The following OSGIN1 variants were observed in gnomAD, a reference collection of about 807,000 sequenced individuals.
The protein encoded by OSGIN1 is oxidative stress-induced growth inhibitor 1.
Under a neutral mutation model 20.1 loss-of-function variants are expected in OSGIN1, and 19 were observed. The observed-to-expected ratio is 0.95, with a 90% CI of 0.66 to 1.39. The LOEUF (loss-of-function observed/expected upper bound fraction) is 1.39, where lower values mean the gene tolerates loss of function less well. Ranked by LOEUF, OSGIN1 falls within the 40% of genes most tolerant of loss-of-function variation. The probability of loss-of-function intolerance (pLI) is 0.00; values close to 1 mark genes in which losing one functional copy is unlikely to be tolerated. For synonymous variants in OSGIN1, 368 were observed against 297.8 expected (o/e 1.24, Z -2.43); for missense variants, 820 against 653.0 (o/e 1.26, Z -2.79).
chr16:83,957,640 G>T lies in OSGIN1; in HGVS notation c.-32G>T. 2 of 1,551,498 alleles carry T rather than the reference G, an allele frequency of 1.3e-6. No individual in the cohort carries two copies. Among genetic ancestry groups the T allele is most frequent in the South Asian group, 1.2e-5 (1 of 86,716 alleles). On this transcript the variant is annotated splice_region_variant and 5_prime_UTR_variant, in exon 2 of 6. Transcript: ENST00000393306. The stretch of plus-strand genomic sequence containing the variant: ...TTCCTTCCCCTCTCCCCCACTCCAG[G>T]TCCGCTGCCAGCCCCAAGCCCCCCA...
chr16:83,965,290 C>T lies in OSGIN1; in HGVS notation c.717C>T (p.Ala239=). 3 of 1,601,744 alleles carry T rather than the reference C, an allele frequency of 1.9e-6. No homozygotes were observed. Among genetic ancestry groups the T allele is most frequent in the South Asian group, 2.2e-5 (2 of 90,128 alleles). Reference sequence around the variant, plus strand: ...CCCAGCAGCCCTTCTCGCTGTGGGCCCGCAACGTGGTCCTCGCCACAGGCA... The same window carrying T: ...CCCAGCAGCCCTTCTCGCTGTGGGCTCGCAACGTGGTCCTCGCCACAGGCA... ...NQAQQPFSLW[A]RNVVLATGTF... The change falls in exon 6 of 6, where the codon GCC becomes GCT. Residue 239 remains alanine (A), a synonymous_variant. Transcript: ENST00000393306.
chr16:83,959,385 A>G lies in OSGIN1; in HGVS notation c.193A>G (p.Ile65Val), dbSNP rs368306055. 42 of 1,613,598 alleles carry G rather than the reference A, an allele frequency of 2.6e-5. No homozygotes were observed. The highest frequency in any genetic ancestry group is 8.0e-5 in the African/African-American group (6 of 74,902). The change falls in exon 3 of 6, where the codon ATC becomes GTC. Residue 65 changes from isoleucine (I) to valine (V), a missense_variant. Transcript: ENST00000393306. ...GCTCACCGAGGCCCCGGGGGTCTCCATCCTGGACCAGGTGGGTCAGCCTGG... is the reference window on the plus strand; with the variant it reads ...GCTCACCGAGGCCCCGGGGGTCTCCGTCCTGGACCAGGTGGGTCAGCCTGG... The part of the protein sequence containing the change: ...RKLTEAPGVS[I>V]LDQDLDYLSE...
intron 5 of OSGIN1, chr16:83,961,348 A>G: frequency 2.3e-6 from 1 of 428,220 alleles, no homozygotes; most frequent in South Asian, 2.5e-5. Flanking sequence ...AAAGGCAGGA[A>G]GTGGGGAGGG....
chr16:83,961,852 G>A (rs757075816), intron 5 of OSGIN1, among the ~76,000 whole-genome samples: 1 of 152,168 alleles, frequency 6.6e-6, no homozygotes, highest in Non-Finnish European at 1.5e-5. Flanking sequence ...CCGTGCCTCT[G>A]GCACAGGTCC....
At chr16:83,963,469 G>C (rs561490613) in intron 5 of OSGIN1, among the ~76,000 whole-genome samples, 2 of 152,134 alleles carry the variant, frequency 1.3e-5, no homozygotes, top group East Asian at 3.9e-4. Flanking sequence ...CACACCCCCT[G>C]CCTCATGGCA....
At chr16:83,956,396 T>C (rs138895261) in intron 1 of OSGIN1, among the ~76,000 whole-genome samples, 252 of 152,306 alleles carry the variant, frequency 1.7e-3, no homozygotes, top group African/African-American at 5.8e-3. Context: ...ATTCCCACTT[T>C]CTCTGGAAGA....
At chr16:83,955,262 G>T (rs1172775122) in intron 1 of OSGIN1, among the ~76,000 whole-genome samples, 1 of 152,162 alleles carries the variant, frequency 6.6e-6, no homozygotes, top group African/African-American at 2.4e-5. Flanking sequence ...CAAGGCCTCT[G>T]GGTATACTCA....
chr16:83,964,064 G>T (rs2084247198), intron 5 of OSGIN1, among the ~76,000 whole-genome samples: 1 of 152,202 alleles, frequency 6.6e-6, no homozygotes, highest in South Asian at 2.1e-4. Context: ...AGCACTTTGG[G>T]AGGCCGAGGC....
In OSGIN1 at chr16:83,965,791, T is replaced by C. The variant is rs2084273022; in HGVS notation, c.1218T>C (p.Pro406=). ...CCCACCCCGACCTCTCCTTCCTGCC[T>C]GGGGCAGGGGCTGACTTTGCAGTGG... is the stretch of plus-strand genomic sequence containing the variant. ...IGSHPDLSFL[P]GAGADFAVDP... is the part of the protein sequence containing the mutation. Residue 406 remains proline, a synonymous_variant, in exon 6 of 6, where the codon CCT becomes CCC. Coordinates refer to ENST00000393306, the MANE Select transcript of OSGIN1 (RefSeq NM_182981.3). The C allele has an allele frequency of 6.2e-7, 1 of 1,612,716 alleles. No individual in the cohort carries two copies. The highest frequency in any genetic ancestry group is 1.7e-5 in the Admixed American group (1 of 59,964).
At position 83,965,863 on chromosome 16, in the gene OSGIN1, C is replaced by G. The variant is rs1442395017; in HGVS notation, c.1290C>G (p.Asp430Glu). The change falls in exon 6 of 6, where the codon GAC (aspartate) becomes GAG (glutamate). Residue 430 changes from aspartate (D) to glutamate (E), a missense_variant. Transcript: ENST00000393306. ...CCAAGAGGAACCCCATTGACGTGGA[C>G]CCCTTCACCTACCAGAGCACCCGCC... is the stretch of plus-strand genomic sequence containing the variant. ...LSAKRNPIDV[D>E]PFTYQSTRQE... The G allele has an allele frequency of 1.3e-5, 21 of 1,612,848 alleles. No homozygotes were observed. The Admixed American group carries it at 3.5e-4, about 27-fold the overall frequency.
At chr16:83,958,907 C>A (rs1467125367) in intron 2 of OSGIN1, among the ~76,000 whole-genome samples, 1 of 152,192 alleles carries the variant, frequency 6.6e-6, no homozygotes, top group Non-Finnish European at 1.5e-5. Flanking sequence ...CCCGGCTCGT[C>A]TACCTTCCGG....
At chr16:83,963,442 C>A (rs1165442089) in intron 5 of OSGIN1, among the ~76,000 whole-genome samples, 3 of 152,092 alleles carry the variant, frequency 2.0e-5, no homozygotes, top group African/African-American at 7.2e-5. Flanking sequence ...GACGTCAGAG[C>A]ACAAAACCAC....
intron 1 of OSGIN1, chr16:83,954,795 G>C: frequency 1.0e-6 from 1 of 972,072 alleles, no homozygotes; most frequent in Non-Finnish European, 1.2e-6. Context: ...AGGGTGGGAA[G>C]GGGCAGCCAG....
In OSGIN1 at chr16:83,960,589, A is replaced by G. The variant is rs536046133; in HGVS notation, c.225A>G (p.Glu75=). Residue 75 remains glutamate (E), a synonymous_variant, in exon 4 of 6, where the codon GAA becomes GAG. Coordinates refer to ENST00000393306, the MANE Select transcript of OSGIN1 (RefSeq NM_182981.3). The part of the protein sequence containing the change: ...ILDQDLDYLS[E]GLEGRSQSPV... ...TCCAGGACCTGGACTACCTGTCCGA[A>G]GGCCTCGAAGGCCGATCCCAAAGCC... The G allele has an allele frequency of 3.1e-6, 5 of 1,613,330 alleles. No homozygotes were observed. The highest frequency in any genetic ancestry group is 1.6e-4 in the Middle Eastern group (1 of 6,062).
Position 83,966,003 on chromosome 16 carries a change from C to T in OSGIN1, c.1430C>T (p.Pro477Leu). The stretch of plus-strand genomic sequence containing the variant: ...CTAAGGAAGGAGACCAGGAAGCCAC[C>T]CTAACACTCGGCCAGACCCGCTGGC... ...SLLRKETRKP[P>L] Residue 477 changes from proline to leucine, a missense_variant, in exon 6 of 6, where the codon CCC becomes CTC. Coordinates refer to ENST00000393306, the MANE Select transcript of OSGIN1 (RefSeq NM_182981.3). 1 of 1,559,156 alleles carries T rather than the reference C, an allele frequency of 6.4e-7. No individual in the cohort carries two copies. The highest frequency in any genetic ancestry group is 8.7e-7 in the Non-Finnish European group (1 of 1,154,018).
chr16:83,959,248 C>T lies in OSGIN1; in HGVS notation c.68-12C>T. Reference sequence around the variant, plus strand: ...AAGGCCACCCCCTTTAACCTCCACCCTCTCTCCCCAGGTAACGGCCCCTCT... The same window carrying T: ...AAGGCCACCCCCTTTAACCTCCACCTTCTCTCCCCAGGTAACGGCCCCTCT... On this transcript the variant is annotated splice_polypyrimidine_tract_variant and intron_variant, in intron 2 of 5. Transcript: ENST00000393306. 3.1e-6 allele frequency: 5 copies of T among 1,612,330 alleles called. No individual in the cohort carries two copies. The highest frequency in any genetic ancestry group is 4.2e-6 in the Non-Finnish European group (5 of 1,178,904).
chr16:83,959,431 C>T (rs745390540), intron 3 of OSGIN1, 35 bp downstream of exon 3: 21 of 1,550,276 alleles, frequency 1.4e-5, no homozygotes, highest in Non-Finnish European at 1.7e-5. Flanking sequence ...CTGGGTAGTA[C>T]ATACCCGCCC....
chr16:83,959,373 C>T lies in OSGIN1; in HGVS notation c.181C>T (p.Pro61Ser), dbSNP rs780989406. 3.1e-6 allele frequency: 5 copies of T among 1,613,744 alleles called. No homozygotes were observed. The highest frequency in any genetic ancestry group is 4.2e-6 in the Non-Finnish European group (5 of 1,179,994). The change falls in exon 3 of 6, where the codon CCG (proline) becomes TCG (serine). Residue 61 changes from proline to serine, a missense_variant. By Grantham distance (74) the Pro-to-Ser change is moderately conservative (BLOSUM62 -1). Coordinates refer to ENST00000393306, the MANE Select transcript of OSGIN1 (RefSeq NM_182981.3). ...PLLQRKLTEA[P>S]GVSILDQDLD... ...GCTGCAGAGGAAGCTCACCGAGGCC[C>T]CGGGGGTCTCCATCCTGGACCAGGT...
At chr16:83,961,146 T>A in intron 5 of OSGIN1, 74 bp downstream of exon 5, 1 of 1,173,118 alleles carries the variant, frequency 8.5e-7, no homozygotes, top group Non-Finnish European at 1.3e-6. Context: ...GAGACAGGTC[T>A]CAGTTAATTT....
Sources: gnomAD v4.1 joint callset for allele counts (sites outside exome capture counted in the v4.1 genomes callset) on GRCh38, gnomAD v4.1.1 for gene constraint, MANE v1.5 for transcripts, NCBI Gene and HGNC (gene_info 2026-07-23, HGNC 2026-07-21) for gene names.